Variants in XAF1 observed in about 807,000 individuals in gnomAD.
The protein encoded by XAF1 is XIAP associated factor 1, also known as XIAP-associated factor 1.
Under a neutral mutation model 32.3 loss-of-function variants are expected in XAF1, and 32 were observed. That is an observed-to-expected ratio of 0.99 (90% CI 0.75 to 1.33). XAF1 has a LOEUF of 1.33. XAF1 is among the 40% of genes most tolerant of loss of function. XAF1 has a pLI of 0.00. For synonymous variants in XAF1, 120 were observed against 125.9 expected (o/e 0.95, Z 0.31); for missense variants, 379 against 366.0 (o/e 1.04, Z -0.29).
At chr17:6,767,903 A>G (rs1400594367) in intron 5 of XAF1, among the ~76,000 whole-genome samples, 1 of 152,190 alleles carries the variant, frequency 6.6e-6, no homozygotes, top group Non-Finnish European at 1.5e-5. Flanking sequence ...TACTTGACTT[A>G]ATAAAGTCTA....
In XAF1 at chr17:6,770,657, A is replaced by C; in HGVS notation, c.522A>C (p.Pro174=). The C allele has an allele frequency of 1.3e-6, 2 of 1,592,028 alleles. No homozygotes were observed. The highest frequency in any genetic ancestry group is 1.7e-6 in the Non-Finnish European group (2 of 1,172,806). Residue 174 remains proline, a synonymous_variant, in exon 6 of 7, where the codon CCA becomes CCC. Transcript: ENST00000361842. Reference sequence around the variant, plus strand: ...CACAATTGCAGGGTAAATGTTGTCCAGACTCAGAGTTTAAGAAACACTTTC... The same window carrying C: ...CACAATTGCAGGGTAAATGTTGTCCCGACTCAGAGTTTAAGAAACACTTTC... ...KYFHHMGKCC[P]DSEFKKHFPV...
At chr17:6,758,433 G>A (rs1974883922) in intron 2 of XAF1, 1 of 715,864 alleles carries the variant, frequency 1.4e-6, no homozygotes, top group East Asian at 2.8e-5. Flanking sequence ...CCTCTCTGCA[G>A]GTGAGATGGG....
At position 6,758,232 on chromosome 17, in the gene XAF1, G is replaced by C. The variant is rs978857443; in HGVS notation, c.168+8G>C. On this transcript the variant is annotated splice_region_variant and intron_variant, in intron 2 of 6. Coordinates refer to ENST00000361842, the MANE Select transcript of XAF1 (RefSeq NM_017523.5). ...AAGCTTGAGCACCAGCAGGTGAGGA[G>C]GCGGCAGGGAGGATGGGGTCTGAGA... 49 of 1,614,056 alleles carry C rather than the reference G, an allele frequency of 3.0e-5. No individual in the cohort carries two copies. The highest frequency in any genetic ancestry group is 4.1e-5 in the Non-Finnish European group (48 of 1,179,934).
At chr17:6,757,436 A>G (rs2151523986) in intron 1 of XAF1, 1 of 152,342 alleles carries the variant, frequency 6.6e-6, no homozygotes, top group East Asian at 1.9e-4. Flanking sequence ...GCGCAGGTGA[A>G]CCTGAAGGCA....
chr17:6,772,997 C>A, intron 6 of XAF1, 116 bp from the exon 7 acceptor site: 1 of 882,648 alleles, frequency 1.1e-6, no homozygotes, highest in Non-Finnish European at 1.7e-6. Flanking sequence ...CATTACACTC[C>A]AGTCTTTGGG....
In XAF1 at chr17:6,763,167, A is replaced by G. The variant is rs538749061; in HGVS notation, c.507+927A>G. ...CCTGGCAACCACTAATCTGCTTTCT[A>G]TCTCTATGGATTTGTCTATTCTGGA... is the stretch of plus-strand genomic sequence containing the variant. On this transcript the variant is annotated intron_variant, in intron 5 of 6. Coordinates refer to ENST00000361842, the MANE Select transcript of XAF1 (RefSeq NM_017523.5). Among the ~76,000 whole-genome samples the G allele has an allele frequency of 4.6e-5, 7 of 152,220 alleles. No individual in the cohort carries two copies. In the South Asian group the frequency reaches 1.5e-3, roughly 32 times the overall value.
chr17:6,775,497 C>A lies in XAF1; in HGVS notation c.*2328C>A, dbSNP rs1440115407. 6.6e-6 allele frequency: 1 copy of A among 152,182 alleles called. No homozygotes were observed. Among genetic ancestry groups the A allele is most frequent in the Non-Finnish European group, 1.5e-5 (1 of 68,026 alleles). The allele number at this position is 152,182 out of a possible 1,614,324, so 9.4% of individuals were successfully genotyped here. A position where few individuals can be genotyped will look rare whatever the true frequency, so the allele number is the denominator to read the frequency against. ...ACAAAGACATTGGTTTGCCCAAGGA[C>A]TACAAATAAACCAACGGGAAAAAAG... On this transcript the variant is annotated 3_prime_UTR_variant, in exon 7 of 7. Transcript: ENST00000361842.
intron 3 of XAF1, chr17:6,759,919 C>T: frequency 2.3e-6 from 2 of 864,466 alleles, no homozygotes; most frequent in South Asian, 1.7e-5. Flanking sequence ...GAAGGGTTTT[C>T]CATGGTCCAT....
chr17:6,756,996 T>C (rs1974732817), intron 1 of XAF1, among the ~76,000 whole-genome samples: 1 of 129,970 alleles, frequency 7.7e-6, no homozygotes, highest in African/African-American at 4.3e-5. Context: ...CTTCTTCTTT[T>C]TTTTTTTTTT....
chr17:6,762,205 C>T lies in XAF1; in HGVS notation c.472C>T (p.Gln158Ter). 4 of 1,613,400 alleles carry T rather than the reference C, an allele frequency of 2.5e-6. No individual in the cohort carries two copies. In the Admixed American group the frequency reaches 5.0e-5, roughly 20 times the overall value. ...EREIYCHYCN[Q>*]MIPENKYFHH... ...GGAAATCTACTGTCATTATTGCAAC[C>T]AAATGATTCCAGAAAATAAGTATTT... The change falls in exon 5 of 7, where the codon CAA (glutamine) becomes TAA (stop). Residue 158 changes from glutamine to a stop codon, truncating the protein, a stop_gained. Transcript: ENST00000361842. LOFTEE classifies it high-confidence loss of function.
intron 5 of XAF1, among the ~76,000 whole-genome samples, chr17:6,765,207 A>G (rs900752076): frequency 6.6e-6 from 1 of 152,094 alleles, no homozygotes. Context: ...AGGTCAGGAG[A>G]TCGAGACCAA....
Position 6,756,255 on chromosome 17 carries a change from G to A in XAF1, c.32+145G>A, listed in dbSNP as rs188613798. ...AGCAGCTGGAGACCGTGGGCCCCAA[G>A]GGTAGGAGGGTTTAAACTTGGTAAT... On this transcript the variant is annotated intron_variant, in intron 1 of 6. Transcript: ENST00000361842. The A allele has an allele frequency of 9.6e-6, 14 of 1,459,864 alleles. No homozygotes were observed. In the East Asian group the frequency reaches 3.8e-4, roughly 40 times the overall value. 90.4% of individuals were successfully genotyped at this position (1,459,864 alleles called of 1,614,324 possible). A position where few individuals can be genotyped will look rare whatever the true frequency, so the allele number is the denominator to read the frequency against.
intron 5 of XAF1, among the ~76,000 whole-genome samples, chr17:6,765,517 TA>T (rs1023569250): frequency 1.3e-5 from 2 of 152,242 alleles, no homozygotes; most frequent in Admixed American, 6.5e-5. Context: ...CCCCAAACTC[TA>T]GATTTGTATA....
intron 5 of XAF1, among the ~76,000 whole-genome samples, chr17:6,769,911 T>C (rs375598129): frequency 3.3e-5 from 5 of 152,234 alleles, no homozygotes; most frequent in African/African-American, 1.2e-4. Context: ...CTTGCCACTT[T>C]CCTTTTCTCA....
intron 6 of XAF1, among the ~76,000 whole-genome samples, chr17:6,772,136 G>A (rs1049186885): frequency 6.6e-6 from 1 of 151,992 alleles, no homozygotes; most frequent in Non-Finnish European, 1.5e-5. Flanking sequence ...TATTTGCTGG[G>A]GGTGTTACTA....
chr17:6,763,228 T>C (rs1314259608), intron 5 of XAF1, among the ~76,000 whole-genome samples: 2 of 152,262 alleles, frequency 1.3e-5, no homozygotes, highest in African/African-American at 4.8e-5. Context: ...ATATGTGGTC[T>C]TATGTAACCA....
chr17:6,759,745 T>C, intron 3 of XAF1, 27 bp downstream of exon 3: 2 of 1,613,908 alleles, frequency 1.2e-6, no homozygotes, highest in South Asian at 2.2e-5. Flanking sequence ...ATTTCTCCTT[T>C]ACAGCCAAAT....
At chr17:6,755,506 A>C, upstream of XAF1, 1 of 988,122 alleles carries the variant, frequency 1.0e-6, no homozygotes, top group African/African-American at 1.7e-5. Context: ...AAAAACTCTA[A>C]GGACCCCCAG....
At chr17:6,769,277 T>A (rs1975841143) in intron 5 of XAF1, among the ~76,000 whole-genome samples, 1 of 152,122 alleles carries the variant, frequency 6.6e-6, no homozygotes, top group Non-Finnish European at 1.5e-5. Context: ...CTTTCAAATT[T>A]GCCTATTTTT....
Sources: gnomAD v4.1 joint callset for allele counts (sites outside exome capture counted in the v4.1 genomes callset) on GRCh38, gnomAD v4.1.1 for gene constraint, MANE v1.5 for transcripts, NCBI Gene and HGNC (gene_info 2026-07-23, HGNC 2026-07-21) for gene names.